KCNJ2: variants seen among roughly 807,000 people sequenced by gnomAD.
The protein encoded by KCNJ2 is inward rectifier potassium channel 2.
KCNJ2 carries 12 observed loss-of-function variants against 28.4 expected under a neutral mutation model. The observed-to-expected ratio is 0.42, with a 90% CI of 0.27 to 0.68. The LOEUF (loss-of-function observed/expected upper bound fraction) is 0.68, where lower values mean the gene tolerates loss of function less well. Among genes scored for constraint, KCNJ2 ranks in the 30% least tolerant of loss-of-function variants. KCNJ2 has a pLI of 0.23. For missense variants in KCNJ2, 320 were observed against 551.3 expected (o/e 0.58, Z 4.20); for synonymous variants, 200 against 203.2 (o/e 0.98, Z 0.13).
At chr17:70,172,038 G>T (rs933976890) in intron 1 of KCNJ2, among the ~76,000 whole-genome samples, 2 of 152,050 alleles carry the variant, frequency 1.3e-5, no homozygotes, top group Admixed American at 1.3e-4. Context: ...TTTCTCAGCT[G>T]CTCACGAATT....
In KCNJ2 at chr17:70,175,075, C is replaced by G. The variant is rs1169880303; in HGVS notation, c.36C>G (p.Val12=). 6.2e-7 allele frequency: 1 copy of G among 1,614,194 alleles called. No individual in the cohort carries two copies. The highest frequency in any genetic ancestry group is 1.7e-5 in the Admixed American group (1 of 60,018). ...GSVRTNRYSI[V]SSEEDGMKLA... is the part of the protein sequence containing the mutation. ...TGCGAACCAACCGCTACAGCATCGT[C>G]TCTTCAGAAGAAGACGGTATGAAGT... Residue 12 remains valine, a synonymous_variant, in exon 2 of 2, where the codon GTC becomes GTG. Transcript: ENST00000243457. This position sits in a 1 kb window ranked among gnomAD's most constrained non-coding sequence, Gnocchi z 8.3.
intron 1 of KCNJ2, 37 bp from the exon 2 acceptor site, chr17:70,174,787 G>A (rs534429770): frequency 7.2e-6 from 4 of 555,816 alleles, no homozygotes. Flanking sequence ...TTTAAGAGTG[G>A]CTTATTTTGT....
In KCNJ2 at chr17:70,175,817, C is replaced by T. The variant is rs2144377429; in HGVS notation, c.778C>T (p.Arg260Cys). The T allele has an allele frequency of 1.2e-6, 2 of 1,614,110 alleles. No individual in the cohort carries two copies. The highest frequency in any genetic ancestry group is 1.7e-6 in the Non-Finnish European group (2 of 1,180,014). The change falls in exon 2 of 2, where the codon CGT becomes TGT. Residue 260 changes from arginine (R) to cysteine (C), a missense_variant. Physicochemically the swap from Arg to Cys is radical, Grantham distance 180. Transcript: ENST00000243457. This position sits in a 1 kb window ranked among gnomAD's most constrained non-coding sequence, Gnocchi z 8.3. ...INVGFDSGID[R>C]IFLVSPITIV... Reference sequence around the variant, plus strand: ...TGTTGGGTTTGACAGTGGAATCGATCGTATATTTCTGGTGTCCCCAATCAC... The same window carrying T: ...TGTTGGGTTTGACAGTGGAATCGATTGTATATTTCTGGTGTCCCCAATCAC...
intron 1 of KCNJ2, among the ~76,000 whole-genome samples, chr17:70,172,651 C>T (rs2074371513): frequency 6.6e-6 from 1 of 152,104 alleles, no homozygotes; most frequent in African/African-American, 2.4e-5. Context: ...TTGAGACTGT[C>T]TACTCATGGC....
Position 70,175,220 on chromosome 17 carries a change from G to T in KCNJ2, c.181G>T (p.Val61Leu). The T allele has an allele frequency of 6.2e-7, 1 of 1,614,228 alleles. No individual in the cohort carries two copies. Among genetic ancestry groups the T allele is most frequent in the Non-Finnish European group, 8.5e-7 (1 of 1,180,046 alleles). The change falls in exon 2 of 2, where the codon GTG becomes TTG. Residue 61 changes from valine (V) to leucine (L), a missense_variant. By Grantham distance (32) the Val-to-Leu change is conservative. Transcript: ENST00000243457. This position sits in a 1 kb window ranked among gnomAD's most constrained non-coding sequence, Gnocchi z 8.3. ...DGHCNVQFIN[V>L]GEKGQRYLAD... Reference sequence around the variant, plus strand: ...CCACTGTAATGTTCAGTTCATCAATGTGGGTGAGAAGGGGCAACGGTACCT... The same window carrying T: ...CCACTGTAATGTTCAGTTCATCAATTTGGGTGAGAAGGGGCAACGGTACCT...
At chr17:70,172,312 CAAAAAAAAAA>C (rs60636682) in intron 1 of KCNJ2, among the ~76,000 whole-genome samples, 12 of 85,888 alleles carry the variant, frequency 1.4e-4, no homozygotes, top group Admixed American at 5.7e-4. Flanking sequence ...TTCTTTTTGC[CAAAAAAAAAA>C]AAAAAAAAAA....
chr17:70,174,964 A>G lies in KCNJ2; in HGVS notation c.-76A>G, dbSNP rs1364025720. 1 of 1,431,530 alleles carries G rather than the reference A, an allele frequency of 7.0e-7. No homozygotes were observed. The highest frequency in any genetic ancestry group is 1.8e-5 in the Admixed American group (1 of 55,014). The allele number at this position is 1,431,530 out of a possible 1,614,324, so 88.7% of individuals were successfully genotyped here. A position where few individuals can be genotyped will look rare whatever the true frequency, so the allele number is the denominator to read the frequency against. ...TGTGTGTCTTCACCGAACATTCAAA[A>G]CTGTTTCTCCAAAGCGTTTTGCAAA... On this transcript the variant is annotated 5_prime_UTR_variant, in exon 2 of 2. Coordinates refer to ENST00000243457, the MANE Select transcript of KCNJ2 (RefSeq NM_000891.3).
Position 70,178,960 on chromosome 17 carries a change from G to T in KCNJ2, c.*2637G>T, listed in dbSNP as rs889935634. On this transcript the variant is annotated 3_prime_UTR_variant, in exon 2 of 2. Coordinates refer to ENST00000243457, the MANE Select transcript of KCNJ2 (RefSeq NM_000891.3). ...AGCAAATATATACCAGCCTTATAAG[G>T]TTCGTATTGCTATGTTCTTCTGTTA... The T allele has an allele frequency of 1.2e-5, 2 of 166,166 alleles. No homozygotes were observed. The highest frequency in any genetic ancestry group is 4.9e-5 in the African/African-American group (2 of 41,192). 10.3% of individuals were successfully genotyped at this position (166,166 alleles called of 1,614,324 possible).
rs764729208 is a variant in KCNJ2 at position 70,176,081 on chromosome 17, T to TA, written c.1043dup (p.Tyr348Ter). ...GGACTATTCCAGGTTCCACAAAACT[T>TA]ACGAAGTCCCCAACACTCCCCTTTG... Reference protein sequence around the residue: ...KVDYSRFHKTYEVPNTPLCSA... With the variant: ...KVDYSRFHKT Residue 348 changes from tyrosine (Y) to a stop codon, truncating the protein, a stop_gained and frameshift_variant, in exon 2 of 2, where the codon TAC becomes TAAC. Transcript: ENST00000243457. LOFTEE classifies it high-confidence loss of function. 1 of 1,613,980 alleles carries TA rather than the reference T, an allele frequency of 6.2e-7. No homozygotes were observed. The highest frequency in any genetic ancestry group is 8.5e-7 in the Non-Finnish European group (1 of 1,180,000).
chr17:70,173,750 T>C (rs2074376941), intron 1 of KCNJ2, among the ~76,000 whole-genome samples: 1 of 152,214 alleles, frequency 6.6e-6, no homozygotes, highest in African/African-American at 2.4e-5. Flanking sequence ...TTATGATCTG[T>C]CCTTACACAG....
rs1007223023 is a variant in KCNJ2, at chr17:70,174,953, G to A, written c.-87G>A. 24 of 1,334,140 alleles carry A rather than the reference G, an allele frequency of 1.8e-5. No homozygotes were observed. The highest frequency in any genetic ancestry group is 1.0e-4 in the African/African-American group (7 of 68,984). The allele number at this position is 1,334,140 out of a possible 1,614,324, so 82.6% of individuals were successfully genotyped here. A position where few individuals can be genotyped will look rare whatever the true frequency, so the allele number is the denominator to read the frequency against. On this transcript the variant is annotated 5_prime_UTR_variant, in exon 2 of 2. Transcript: ENST00000243457. ...TTTTTTTGGTGTGTGTGTCTTCACC[G>A]AACATTCAAAACTGTTTCTCCAAAG...
At position 70,175,411 on chromosome 17, in the gene KCNJ2, C is replaced by T. The variant is rs138877244; in HGVS notation, c.372C>T (p.Ser124=). Reference sequence around the variant, plus strand: ...CCAAAGAGGGCAAAGCTTGTGTGTCCGAGGTCAACAGCTTCACGGCTGCCT... The same window carrying T: ...CCAAAGAGGGCAAAGCTTGTGTGTCTGAGGTCAACAGCTTCACGGCTGCCT... ...DASKEGKACV[S]EVNSFTAAFL... The change falls in exon 2 of 2, where the codon TCC becomes TCT. Residue 124 remains serine, a synonymous_variant. Coordinates refer to ENST00000243457, the MANE Select transcript of KCNJ2 (RefSeq NM_000891.3). The surrounding 1 kb of genome is among the most constrained non-coding windows in gnomAD (Gnocchi z 8.3). The T allele has an allele frequency of 9.5e-5, 154 of 1,614,114 alleles. No individual in the cohort carries two copies. In the East Asian group the frequency reaches 1.5e-3, roughly 15 times the overall value.
Position 70,178,336 on chromosome 17 carries a change from A to C in KCNJ2, c.*2013A>C, listed in dbSNP as rs1244217256. The C allele has an allele frequency of 1.2e-5, 2 of 167,068 alleles. No individual in the cohort carries two copies. Among genetic ancestry groups the C allele is most frequent in the Admixed American group, 1.3e-4 (2 of 15,264 alleles). 10.3% of individuals were successfully genotyped at this position (167,068 alleles called of 1,614,324 possible). ...CAATGAAACAAAGAAAGAGATGTTA[A>C]GCAAGTGGTTGTTTTAGATCCAAAT... is the stretch of plus-strand genomic sequence containing the variant. On this transcript the variant is annotated 3_prime_UTR_variant, in exon 2 of 2. Coordinates refer to ENST00000243457, the MANE Select transcript of KCNJ2 (RefSeq NM_000891.3).
intron 1 of KCNJ2, among the ~76,000 whole-genome samples, chr17:70,173,699 C>T (rs1207541208): frequency 1.3e-5 from 2 of 152,152 alleles, no homozygotes; most frequent in African/African-American, 4.8e-5. Flanking sequence ...GGAACCTATA[C>T]CAAATAACAG....
In KCNJ2 at chr17:70,177,310, C is replaced by T. The variant is rs900716783; in HGVS notation, c.*987C>T. 1.2e-5 allele frequency: 2 copies of T among 167,070 alleles called. No homozygotes were observed. Among genetic ancestry groups the T allele is most frequent in the African/African-American group, 4.8e-5 (2 of 41,434 alleles). The allele number at this position is 167,070 out of a possible 1,614,324, so 10.3% of individuals were successfully genotyped here. Reference sequence around the variant, plus strand: ...ACACACACACAATACCGACGTCTATCCTTTCCTGCTAGGCAGTGCTGGCCA... The same window carrying T: ...ACACACACACAATACCGACGTCTATTCTTTCCTGCTAGGCAGTGCTGGCCA... On this transcript the variant is annotated 3_prime_UTR_variant, in exon 2 of 2. Coordinates refer to ENST00000243457, the MANE Select transcript of KCNJ2 (RefSeq NM_000891.3).
rs776798798 is a variant in KCNJ2, at chr17:70,175,321, G to A, written c.282G>A (p.Leu94=). 3.2e-5 allele frequency: 51 copies of A among 1,614,100 alleles called. No individual in the cohort carries two copies. The highest frequency in any genetic ancestry group is 1.5e-4 in the Admixed American group (9 of 60,002). Residue 94 remains leucine, a synonymous_variant, in exon 2 of 2, where the codon CTG becomes CTA. Coordinates refer to ENST00000243457, the MANE Select transcript of KCNJ2 (RefSeq NM_000891.3). This position sits in a 1 kb window ranked among gnomAD's most constrained non-coding sequence, Gnocchi z 8.3. The stretch of plus-strand genomic sequence containing the variant: ...TTATCTTCTGCCTGGCTTTCGTCCT[G>A]TCATGGCTGTTTTTTGGCTGTGTGT... ...MLVIFCLAFV[L]SWLFFGCVFW... is the part of the protein sequence containing the mutation.
chr17:70,175,252 C>T lies in KCNJ2; in HGVS notation c.213C>T (p.Asp71=), dbSNP rs150671256. 1.2e-4 allele frequency: 194 copies of T among 1,614,198 alleles called. 1 individual carries two copies. The African/African-American group carries it at 2.4e-3, about 20-fold the overall frequency. Reference sequence around the variant, plus strand: ...AGAAGGGGCAACGGTACCTCGCAGACATCTTCACCACGTGTGTGGACATTC... The same window carrying T: ...AGAAGGGGCAACGGTACCTCGCAGATATCTTCACCACGTGTGTGGACATTC... ...VGEKGQRYLA[D]IFTTCVDIRW... The change falls in exon 2 of 2, where the codon GAC becomes GAT. Residue 71 remains aspartate, a synonymous_variant. Transcript: ENST00000243457. The surrounding 1 kb of genome is among the most constrained non-coding windows in gnomAD (Gnocchi z 8.3).
chr17:70,175,361 C>T lies in KCNJ2; in HGVS notation c.322C>T (p.Leu108=), dbSNP rs371331394. The change falls in exon 2 of 2, where the codon CTG becomes TTG. Residue 108 remains leucine (L), a synonymous_variant. Coordinates refer to ENST00000243457, the MANE Select transcript of KCNJ2 (RefSeq NM_000891.3). This position sits in a 1 kb window ranked among gnomAD's most constrained non-coding sequence, Gnocchi z 8.3. ...TGGCTGTGTGTTTTGGTTGATAGCT[C>T]TGCTCCATGGGGACCTGGATGCATC... ...FFGCVFWLIA[L]LHGDLDASKE... 10 of 1,614,056 alleles carry T rather than the reference C, an allele frequency of 6.2e-6. No homozygotes were observed. The highest frequency in any genetic ancestry group is 1.7e-5 in the Admixed American group (1 of 59,990).
rs201909993 is a variant in KCNJ2 at position 70,175,906 on chromosome 17, C to T, written c.867C>T (p.Asn289=). The change falls in exon 2 of 2, where the codon AAC becomes AAT. Residue 289 remains asparagine (N), a synonymous_variant. Coordinates refer to ENST00000243457, the MANE Select transcript of KCNJ2 (RefSeq NM_000891.3). This position sits in a 1 kb window ranked among gnomAD's most constrained non-coding sequence, Gnocchi z 8.3. ...LYDLSKQDID[N]ADFEIVVILE... ...ATTTGAGTAAACAGGACATTGACAA[C>T]GCAGACTTTGAAATCGTGGTCATAC... 98 of 1,614,058 alleles carry T rather than the reference C, an allele frequency of 6.1e-5. No individual in the cohort carries two copies. Among genetic ancestry groups the T allele is most frequent in the African/African-American group, 2.8e-4 (21 of 74,984 alleles).
Sources: gnomAD v4.1 joint callset for allele counts (sites outside exome capture counted in the v4.1 genomes callset) on GRCh38, gnomAD v4.1.1 for gene constraint, Gnocchi (gnomAD v3.1) non-coding constraint, MANE v1.5 for transcripts, NCBI Gene and HGNC (gene_info 2026-07-23, HGNC 2026-07-21) for gene names.